Variants in FYB1 observed in about 807,000 individuals in gnomAD.
FYB1 encodes FYN-binding protein 1.
A neutral mutation model predicts 94.1 loss-of-function variants in FYB1; 41 were observed. That is an observed-to-expected ratio of 0.44 (90% CI 0.34 to 0.57). The LOEUF (loss-of-function observed/expected upper bound fraction) is 0.57, where lower values mean the gene tolerates loss of function less well. FYB1 is among the 20% of genes least tolerant of loss of function. The probability of loss-of-function intolerance (pLI) is 0.02; values close to 1 mark genes in which losing one functional copy is unlikely to be tolerated. For missense variants in FYB1, 1,050 were observed against 976.8 expected (o/e 1.07, Z -1.00); for synonymous variants, 367 against 353.2 (o/e 1.04, Z -0.44).
intron 16 of FYB1, among the ~76,000 whole-genome samples, chr5:39,112,932 A>G (rs1739203105): frequency 6.6e-6 from 1 of 152,068 alleles, no homozygotes; most frequent in African/African-American, 2.4e-5. Flanking sequence ...TATTAGGGAG[A>G]TGGAGTGTGA....
chr5:39,139,538 T>A (rs903879820), intron 4 of FYB1: 7 of 190,876 alleles, frequency 3.7e-5, no homozygotes, highest in African/African-American at 1.4e-4. Flanking sequence ...TGAAAAGGGA[T>A]GTCCATTTGG....
At chr5:39,169,710 C>A (rs1342939990) in intron 2 of FYB1, 5 of 458,078 alleles carry the variant, frequency 1.1e-5, no homozygotes, top group Non-Finnish European at 2.2e-5. Context: ...CCGGGCCAGT[C>A]GAAGGTTAGA....
intron 3 of FYB1, among the ~76,000 whole-genome samples, chr5:39,144,758 T>C (rs950706190): frequency 5.9e-5 from 9 of 152,166 alleles, no homozygotes; most frequent in Admixed American, 5.9e-4. Context: ...GCCAAGATCG[T>C]GCCACTGCAC....
At chr5:39,129,823 A>G (rs1400118483) in intron 10 of FYB1, among the ~76,000 whole-genome samples, 1 of 152,034 alleles carries the variant, frequency 6.6e-6, no homozygotes, top group Non-Finnish European at 1.5e-5. Flanking sequence ...GTCGGTGGGA[A>G]TATATATTCA....
chr5:39,235,960 A>G (rs930539092), intron 1 of FYB1, among the ~76,000 whole-genome samples: 3 of 152,020 alleles, frequency 2.0e-5, no homozygotes, highest in African/African-American at 4.8e-5. Flanking sequence ...GCAATTGAGG[A>G]ACTAAAACAT....
intron 1 of FYB1, among the ~76,000 whole-genome samples, chr5:39,242,572 C>T (rs888939513): frequency 3.6e-4 from 55 of 152,164 alleles, no homozygotes; most frequent in African/African-American, 1.2e-3. Context: ...CAAGTCTTTG[C>T]TATTGTGAAT....
intron 3 of FYB1, among the ~76,000 whole-genome samples, chr5:39,149,756 T>G (rs1377120843): frequency 2.0e-5 from 3 of 152,100 alleles, no homozygotes; most frequent in African/African-American, 7.2e-5. Context: ...CCTTGGATGC[T>G]TCCTTTCCTG....
chr5:39,245,471 C>T (rs150320633), intron 1 of FYB1, among the ~76,000 whole-genome samples: 287 of 152,254 alleles, frequency 1.9e-3, no homozygotes, highest in African/African-American at 6.8e-3. Flanking sequence ...TGAGAATTCA[C>T]TATTGTTTCA....
chr5:39,170,140 T>C (rs965796785), intron 2 of FYB1: 2 of 785,624 alleles, frequency 2.5e-6, no homozygotes, highest in African/African-American at 1.7e-5. Flanking sequence ...TGATGAAGTA[T>C]AAGTAGCTAC....
In FYB1 at chr5:39,118,172, G is replaced by A. The variant is rs370691745; in HGVS notation, c.2401+702C>T. Among the ~76,000 whole-genome samples, 109 of 152,226 alleles carry A rather than the reference G, an allele frequency of 7.2e-4. 4 individuals carry two copies. The South Asian group carries it at 0.022, about 31-fold the overall frequency. The stretch of plus-strand genomic sequence containing the variant: ...TCCTGCCTCAGCCCCGCAAAGTGCT[G>A]GGATTACAGGCATGAGCCACCGCAC... On this transcript the variant is annotated intron_variant, in intron 16 of 18. Transcript: ENST00000512982.
At chr5:39,179,123 T>C (rs1326598320) in intron 2 of FYB1, among the ~76,000 whole-genome samples, 1 of 152,222 alleles carries the variant, frequency 6.6e-6, no homozygotes, top group African/African-American at 2.4e-5. Flanking sequence ...GCTCTACTTA[T>C]GAAAATATCC....
chr5:39,185,609 CATATATATATAT>C (rs1233732232), intron 2 of FYB1, among the ~76,000 whole-genome samples: 17 of 138,866 alleles, frequency 1.2e-4, no homozygotes, highest in Admixed American at 2.8e-4. Flanking sequence ...TATATATACA[CATATATATATAT>C]ACACACATAT....
At chr5:39,261,559 T>G (rs1419240614) in intron 1 of FYB1, among the ~76,000 whole-genome samples, 1 of 151,962 alleles carries the variant, frequency 6.6e-6, no homozygotes, top group Non-Finnish European at 1.5e-5. Context: ...CCAACCTGGC[T>G]AACGTGGTGA....
intron 1 of FYB1, among the ~76,000 whole-genome samples, chr5:39,205,619 C>T (rs547585101): frequency 1.3e-5 from 2 of 152,130 alleles, no homozygotes; most frequent in African/African-American, 4.8e-5. Flanking sequence ...AGCCCATGAT[C>T]AAACTCAATG....
chr5:39,223,094 C>CATGT (rs1750337685), upstream of FYB1, among the ~76,000 whole-genome samples: 1 of 151,812 alleles, frequency 6.6e-6, no homozygotes, highest in African/African-American at 2.4e-5. Flanking sequence ...ACATCCTGCA[C>CATGT]ATGTACCCTG....
In FYB1 at chr5:39,202,932, G is replaced by A. The variant is rs373104600; in HGVS notation, c.29C>T (p.Pro10Leu). The change falls in exon 2 of 19, where the codon CCG (proline) becomes CTG (leucine). Residue 10 changes from proline to leucine, a missense_variant. Transcript: ENST00000512982. MAKYNTGGN[P>L]TEDVSVNSRP... ...GCTATTGACTGAGACATCCTCTGTC[G>A]GGTTGCCCCCCGTGTTATATTTCGC... is the stretch of plus-strand genomic sequence containing the variant. The A allele has an allele frequency of 3.7e-6, 6 of 1,613,722 alleles. No individual in the cohort carries two copies. Among genetic ancestry groups the A allele is most frequent in the East Asian group, 2.2e-5 (1 of 44,888 alleles).
At chr5:39,114,350 T>G (rs1739339126) in intron 16 of FYB1, among the ~76,000 whole-genome samples, 1 of 152,192 alleles carries the variant, frequency 6.6e-6, no homozygotes, top group African/African-American at 2.4e-5. Flanking sequence ...CAGTAGGAAC[T>G]TCTACAAGTC....
intron 10 of FYB1, among the ~76,000 whole-genome samples, chr5:39,129,100 T>G (rs1740946218): frequency 6.6e-6 from 1 of 151,956 alleles, no homozygotes; most frequent in Non-Finnish European, 1.5e-5. Flanking sequence ...ACCGTTGGTA[T>G]AAAAATAGAA....
At chr5:39,265,037 T>A (rs1752368448) in intron 1 of FYB1, among the ~76,000 whole-genome samples, 3 of 151,878 alleles carry the variant, frequency 2.0e-5, no homozygotes, top group Admixed American at 2.0e-4. Context: ...GAGAACTTAT[T>A]AGAAATGCAC....
Sources: allele counts gnomAD v4.1 joint callset (sites outside exome capture counted in the v4.1 genomes callset), GRCh38; gene constraint gnomAD v4.1.1; transcripts MANE v1.5; gene names NCBI Gene and HGNC (gene_info 2026-07-23, HGNC 2026-07-21).